Variants in DEAF1 observed in about 807,000 individuals in gnomAD.
The protein encoded by DEAF1 is deformed epidermal autoregulatory factor 1 homolog.
DEAF1 carries 53 observed loss-of-function variants against 58.9 expected under a neutral mutation model. That is an observed-to-expected ratio of 0.90 (90% CI 0.72 to 1.13). The LOEUF (loss-of-function observed/expected upper bound fraction) is 1.13, where lower values mean the gene tolerates loss of function less well. Among genes scored for constraint, DEAF1 ranks in the 50% most tolerant of loss-of-function variants. The pLI is 0.00. For missense variants in DEAF1, 685 were observed against 791.4 expected (o/e 0.87, Z 1.61); for synonymous variants, 385 against 340.4 (o/e 1.13, Z -1.44).
intron 11 of DEAF1, among the ~76,000 whole-genome samples, chr11:652,456 G>A (rs1858819532): frequency 6.6e-6 from 1 of 152,142 alleles, no homozygotes; most frequent in South Asian, 2.1e-4. Context: ...TGGGCAACAT[G>A]GTGAAACCCT....
At chr11:689,462 C>T (rs1418689748) in intron 2 of DEAF1, among the ~76,000 whole-genome samples, 4 of 152,026 alleles carry the variant, frequency 2.6e-5, no homozygotes, top group South Asian at 2.1e-4. Flanking sequence ...CTGCCCATCT[C>T]GGCCTCCCAG....
At chr11:679,962 G>A (rs1019740821) in intron 7 of DEAF1, 146 bp from the exon 8 acceptor site, 16 of 1,141,770 alleles carry the variant, frequency 1.4e-5, no homozygotes, top group South Asian at 5.5e-5. Flanking sequence ...TGAAGGACAC[G>A]GGGGAAATCC....
intron 7 of DEAF1, among the ~76,000 whole-genome samples, chr11:680,386 G>C (rs960757128): frequency 5.8e-4 from 89 of 152,180 alleles, no homozygotes; most frequent in African/African-American, 2.0e-3. Flanking sequence ...GTTAACAAAA[G>C]CCTATTACAA....
At chr11:703,410 G>A (rs572898264) in intron 1 of DEAF1, 4 of 1,336,714 alleles carry the variant, frequency 3.0e-6, no homozygotes, top group Non-Finnish European at 3.8e-6. Flanking sequence ...AGTCCCAGGA[G>A]CGCACACTCA....
At chr11:654,594 G>A (rs985312011) in intron 10 of DEAF1, 6 of 455,226 alleles carry the variant, frequency 1.3e-5, no homozygotes, top group Non-Finnish European at 2.6e-5. Flanking sequence ...ACCAGTATGG[G>A]CCGGGAGCAG....
At chr11:684,517 A>G (rs1019458810) in intron 6 of DEAF1, among the ~76,000 whole-genome samples, 1 of 152,264 alleles carries the variant, frequency 6.6e-6, no homozygotes, top group African/African-American at 2.4e-5. Flanking sequence ...AGCTCTACAC[A>G]TGAATAAGTT....
intron 10 of DEAF1, among the ~76,000 whole-genome samples, chr11:661,571 G>A (rs1475028616): frequency 2.0e-5 from 3 of 152,020 alleles, no homozygotes; most frequent in African/African-American, 4.8e-5. Flanking sequence ...TTAGCCAGGC[G>A]TGGTGGCAAG....
At chr11:682,342 T>G (rs1184417943) in intron 6 of DEAF1, among the ~76,000 whole-genome samples, 1 of 152,240 alleles carries the variant, frequency 6.6e-6, no homozygotes, top group Admixed American at 6.5e-5. Context: ...AAGGTCGGTT[T>G]CCCAGATGGG....
At chr11:656,783 T>TC (rs1859075203) in intron 10 of DEAF1, among the ~76,000 whole-genome samples, 1 of 152,042 alleles carries the variant, frequency 6.6e-6, no homozygotes, top group Non-Finnish European at 1.5e-5. Context: ...GGGAAGCCTG[T>TC]CCTGTTGCCT....
At chr11:657,374 G>A (rs542849853) in intron 10 of DEAF1, among the ~76,000 whole-genome samples, 40 of 152,290 alleles carry the variant, frequency 2.6e-4, no homozygotes, top group Admixed American at 2.5e-3. Flanking sequence ...CCCAGGAGCC[G>A]ACGGCAGGAG....
At chr11:656,348 G>C (rs572886962) in intron 10 of DEAF1, among the ~76,000 whole-genome samples, 48 of 151,966 alleles carry the variant, frequency 3.2e-4, no homozygotes, top group African/African-American at 1.1e-3. Context: ...TAGAGACGGG[G>C]TTTTGCCCTG....
rs1860680547 is a variant in DEAF1, at chr11:688,214, A to G, written c.517+117T>C. On this transcript the variant is annotated intron_variant, in intron 3 of 11. Coordinates refer to ENST00000382409, the MANE Select transcript of DEAF1 (RefSeq NM_021008.4). The surrounding 1 kb of genome is among the most constrained non-coding windows in gnomAD (Gnocchi z 4.3). ...CCAATGCTTTTACTTAAAATCTATTAATAGATGATATTCCAAATTTACCAC... is the reference window on the plus strand; with the variant it reads ...CCAATGCTTTTACTTAAAATCTATTGATAGATGATATTCCAAATTTACCAC... 6.6e-7 allele frequency: 1 copy of G among 1,511,570 alleles called. No homozygotes were observed. The highest frequency in any genetic ancestry group is 1.2e-5 in the South Asian group (1 of 81,718). 93.6% of individuals were successfully genotyped at this position (1,511,570 alleles called of 1,614,324 possible). A position where few individuals can be genotyped will look rare whatever the true frequency, so the allele number is the denominator to read the frequency against.
chr11:646,405 T>G (rs957747990), intron 11 of DEAF1: 3 of 152,198 alleles, frequency 2.0e-5, no homozygotes, highest in Non-Finnish European at 4.4e-5. Context: ...CAGGAAGGGT[T>G]CCGGTTCCTG....
chr11:651,729 AC>A (rs1858781281), intron 11 of DEAF1, among the ~76,000 whole-genome samples: 1 of 152,194 alleles, frequency 6.6e-6, no homozygotes, highest in Non-Finnish European at 1.5e-5. Context: ...TACTAAAAAT[AC>A]AAAAAATCAG....
chr11:687,659 C>CTG (rs1385919517), intron 4 of DEAF1, among the ~76,000 whole-genome samples: 10 of 152,154 alleles, frequency 6.6e-5, no homozygotes, highest in African/African-American at 1.7e-4. Flanking sequence ...CACCACGCTC[C>CTG]ACTAATTTTT....
chr11:679,620 G>T, intron 8 of DEAF1, 68 bp downstream of exon 8: 1 of 1,599,492 alleles, frequency 6.3e-7, no homozygotes. Context: ...CCAATGTGGC[G>T]TCGGGGATGT....
intron 11 of DEAF1, among the ~76,000 whole-genome samples, chr11:647,449 T>C (rs1333186908): frequency 3.9e-5 from 6 of 152,100 alleles, no homozygotes; most frequent in Non-Finnish European, 7.4e-5. Flanking sequence ...AGCCAGACCC[T>C]GTCTCAAAAA....
chr11:644,436 C>A lies in DEAF1; in HGVS notation c.*114G>T. On this transcript the variant is annotated 3_prime_UTR_variant, in exon 12 of 12. Coordinates refer to ENST00000382409, the MANE Select transcript of DEAF1 (RefSeq NM_021008.4). This position sits in a 1 kb window ranked among gnomAD's most constrained non-coding sequence, Gnocchi z 4.3. ...ATGACTTGTCCAGCAAGTTTCTTTA[C>A]CTTCCCACACCCCTCTTCTCAACGT... 2.2e-5 allele frequency: 18 copies of A among 801,462 alleles called. 1 individual carries two copies. In the South Asian group the frequency reaches 2.6e-4, roughly 12 times the overall value. 49.6% of individuals were successfully genotyped at this position (801,462 alleles called of 1,614,324 possible).
At chr11:706,698 G>T (rs1477600328) in exon 1 of DEAF1, 1 of 152,280 alleles carries the variant, frequency 6.6e-6, no homozygotes, top group African/African-American at 2.4e-5. Context: ...GGGCCTGACC[G>T]TGGAGGTAGC....
Sources: allele counts gnomAD v4.1 joint callset (sites outside exome capture counted in the v4.1 genomes callset), GRCh38; gene constraint gnomAD v4.1.1; non-coding constraint Gnocchi (gnomAD v3.1); transcripts MANE v1.5; gene names NCBI Gene and HGNC (gene_info 2026-07-23, HGNC 2026-07-21).